Variants in GNAL observed in about 807,000 individuals in gnomAD.
The protein encoded by GNAL is guanine nucleotide-binding protein G(olf) subunit alpha.
GNAL carries 18 observed loss-of-function variants against 55.1 expected under a neutral mutation model. The ratio of observed to expected loss-of-function variants is 0.33; its 90% confidence interval spans 0.23 to 0.48. The LOEUF (loss-of-function observed/expected upper bound fraction) is 0.48, where lower values mean the gene tolerates loss of function less well. GNAL is among the 20% of genes least tolerant of loss of function. The pLI is 0.99. For synonymous variants in GNAL, 253 were observed against 237.0 expected (o/e 1.07, Z -0.62); for missense variants, 412 against 614.1 (o/e 0.67, Z 3.48).
intron 1 of GNAL, among the ~76,000 whole-genome samples, chr18:11,723,992 C>CA (rs2032155676): frequency 6.6e-6 from 1 of 152,204 alleles, no homozygotes; most frequent in African/African-American, 2.4e-5. Flanking sequence ...GAGTGGAAAA[C>CA]AGCTGAGAGC....
intron 1 of GNAL, among the ~76,000 whole-genome samples, chr18:11,709,728 A>G (rs1253880479): frequency 6.6e-6 from 1 of 152,152 alleles, no homozygotes; most frequent in Non-Finnish European, 1.5e-5. Context: ...TTGTATGTAT[A>G]AGATCATGCC....
intron 1 of GNAL, among the ~76,000 whole-genome samples, chr18:11,721,794 A>G (rs191010789): frequency 2.0e-5 from 3 of 151,924 alleles, no homozygotes; most frequent in Admixed American, 6.6e-5. Flanking sequence ...TGATCTGCCC[A>G]CCTTGGCCTT....
In GNAL at chr18:11,729,318, C is replaced by T. The variant is rs186896169; in HGVS notation, c.377-23535C>T. 8.1e-4 allele frequency among the ~76,000 whole-genome samples: 124 copies of T among 152,240 alleles called. 1 individual carries two copies. The highest frequency in any genetic ancestry group is 1.3e-3 in the Non-Finnish European group (86 of 68,024). ...TGCCCCACCTGTGTGGGTTTTCACT[C>T]TTTTGCCCACTCTGCCTTCCCTAAG... is the stretch of plus-strand genomic sequence containing the variant. On this transcript the variant is annotated intron_variant, in intron 1 of 11. Transcript: ENST00000334049.
intron 10 of GNAL, among the ~76,000 whole-genome samples, chr18:11,875,710 T>G (rs642423): frequency 0.038 from 5,836 of 152,256 alleles, 379 homozygotes; most frequent in African/African-American, 0.13. Flanking sequence ...CCGTACAGCC[T>G]GCAGAACCAT....
chr18:11,756,696 TATTAA>T (rs2033067369), intron 4 of GNAL, among the ~76,000 whole-genome samples: 1 of 152,110 alleles, frequency 6.6e-6, no homozygotes, highest in Non-Finnish European at 1.5e-5. Context: ...TTATATTACT[TATTAA>T]ATTATGTAGT....
chr18:11,710,404 TCTTTTAA>T, intron 1 of GNAL, among the ~76,000 whole-genome samples: 2 of 152,348 alleles, frequency 1.3e-5, no homozygotes, highest in Admixed American at 1.3e-4. Flanking sequence ...TAATACTTTG[TCTTTTAA>T]CTTTTAAGTT....
chr18:11,876,444 G>GAGAC (rs1038631395), intron 10 of GNAL, among the ~76,000 whole-genome samples, 177 bp from the exon 11 acceptor site: 9 of 152,130 alleles, frequency 5.9e-5, no homozygotes, highest in African/African-American at 1.7e-4. Context: ...GCCTGGGCAA[G>GAGAC]AGAGTGAGAC....
intron 4 of GNAL, among the ~76,000 whole-genome samples, chr18:11,776,729 A>AAAAG (rs367983717): frequency 4.1e-5 from 6 of 145,890 alleles, no homozygotes; most frequent in African/African-American, 1.6e-4. Context: ...AAAAAAAAAA[A>AAAAG]GAATTTACAC....
intron 5 of GNAL, among the ~76,000 whole-genome samples, chr18:11,828,576 C>T (rs922288682): frequency 2.6e-5 from 4 of 151,922 alleles, no homozygotes; most frequent in African/African-American, 9.7e-5. Context: ...CATCCTTTTT[C>T]AGTATTTCAG....
At chr18:11,866,133 G>A (rs549843461) in intron 7 of GNAL, among the ~76,000 whole-genome samples, 1 of 150,140 alleles carries the variant, frequency 6.7e-6, no homozygotes, top group African/African-American at 2.5e-5. Context: ...CGTGACTTGT[G>A]GTTTTGCCCA....
intron 4 of GNAL, among the ~76,000 whole-genome samples, chr18:11,823,798 G>A (rs1007408855): frequency 2.7e-5 from 2 of 73,896 alleles, no homozygotes; most frequent in Non-Finnish European, 7.5e-5. Context: ...TGGGAAGGGC[G>A]TGAATTTCCC....
At position 11,785,834 on chromosome 18, in the gene GNAL, G is replaced by C. The variant is rs528661076; in HGVS notation, c.624+31889G>C. On this transcript the variant is annotated intron_variant, in intron 4 of 11. Coordinates refer to ENST00000334049, the MANE Select transcript of GNAL (RefSeq NM_182978.4). Reference sequence around the variant, plus strand: ...AGCAGCAGCTCCTCTGCTCAGCCCCGTGTTGAGCTGTTATTGAAGGTCTTT... The same window carrying C: ...AGCAGCAGCTCCTCTGCTCAGCCCCCTGTTGAGCTGTTATTGAAGGTCTTT... Among the ~76,000 whole-genome samples the C allele has an allele frequency of 1.5e-4, 23 of 152,248 alleles. 1 individual carries two copies. The South Asian group carries it at 4.8e-3, about 32-fold the overall frequency.
chr18:11,884,741 G>T lies in GNAL; in HGVS notation c.*3606G>T, dbSNP rs960152443. 1 of 1,343,232 alleles carries T rather than the reference G, an allele frequency of 7.4e-7. No homozygotes were observed. Among genetic ancestry groups the T allele is most frequent in the Non-Finnish European group, 1.0e-6 (1 of 986,776 alleles). The allele number at this position is 1,343,232 out of a possible 1,614,324, so 83.2% of individuals were successfully genotyped here. A position where few individuals can be genotyped will look rare whatever the true frequency, so the allele number is the denominator to read the frequency against. ...CTCAGGTCCCCCTCAGGTGAGGCAG[G>T]GAACGGGCCCTCCTCACCTGAGACC... On this transcript the variant is annotated 3_prime_UTR_variant, in exon 12 of 12. Coordinates refer to ENST00000334049, the MANE Select transcript of GNAL (RefSeq NM_182978.4).
chr18:11,850,394 G>T (rs1191827596), intron 5 of GNAL, among the ~76,000 whole-genome samples: 1 of 152,176 alleles, frequency 6.6e-6, no homozygotes, highest in Non-Finnish European at 1.5e-5. Context: ...TCTCTAAACA[G>T]AATTCGCTCT....
At chr18:11,869,444 A>G (rs1240875624) in intron 9 of GNAL, among the ~76,000 whole-genome samples, 1 of 151,784 alleles carries the variant, frequency 6.6e-6, no homozygotes, top group East Asian at 2.0e-4. Flanking sequence ...CACCCGGCCA[A>G]TGTGGAGTAT....
At chr18:11,862,506 T>G (rs2036169895) in intron 6 of GNAL, 57 bp downstream of exon 6, 2 of 1,284,910 alleles carry the variant, frequency 1.6e-6, no homozygotes, top group Non-Finnish European at 2.3e-6. Flanking sequence ...TCATTTCCAA[T>G]ATGATTTAAT....
At chr18:11,766,390 T>G (rs1298811743) in intron 4 of GNAL, among the ~76,000 whole-genome samples, 1 of 152,216 alleles carries the variant, frequency 6.6e-6, no homozygotes, top group African/African-American at 2.4e-5. Context: ...GTGTTTGTAT[T>G]TGTTTGGATA....
In GNAL at chr18:11,716,117, A is replaced by C. The variant is rs1432317558; in HGVS notation, c.376+26178A>C. 2.6e-5 allele frequency among the ~76,000 whole-genome samples: 4 copies of C among 152,234 alleles called. No homozygotes were observed. In the East Asian group the frequency reaches 7.7e-4, roughly 29 times the overall value. ...TGATTCCTCAAAGACCTAAAAACAG[A>C]ACTACCATTCGACGCAGCAATCTCA... On this transcript the variant is annotated intron_variant, in intron 1 of 11. Transcript: ENST00000334049.
chr18:11,723,570 C>A (rs1209155418), intron 1 of GNAL, among the ~76,000 whole-genome samples: 1 of 152,232 alleles, frequency 6.6e-6, no homozygotes, highest in East Asian at 1.9e-4. Flanking sequence ...TATTCAGATA[C>A]TTATCAAATA....
Sources: allele counts gnomAD v4.1 joint callset (sites outside exome capture counted in the v4.1 genomes callset), GRCh38; gene constraint gnomAD v4.1.1; transcripts MANE v1.5; gene names NCBI Gene and HGNC (gene_info 2026-07-23, HGNC 2026-07-21).